The following NRG1 variants were observed in gnomAD, a reference collection of about 807,000 sequenced individuals.
NRG1 encodes neuregulin 1, also known as pro-neuregulin-1, membrane-bound isoform.
In NRG1, 18 loss-of-function variants were observed where a neutral mutation model predicts 63.8. The ratio of observed to expected loss-of-function variants is 0.28; its 90% CI spans 0.19 to 0.42. The LOEUF (loss-of-function observed/expected upper bound fraction) is 0.42, where lower values mean the gene tolerates loss of function less well. NRG1 is among the 10% of genes least tolerant of loss of function. The probability of loss-of-function intolerance (pLI) is 1.00; values close to 1 mark genes in which losing one functional copy is unlikely to be tolerated. For missense variants in NRG1, 762 were observed against 814.7 expected, an observed-to-expected ratio of 0.94 and a Z score of 0.79; for synonymous variants, 302 against 301.3, an observed-to-expected ratio of 1.00 and a Z score of -0.02.
chr8:32,542,501 G>A (rs968935986), intron 1 of NRG1, among the ~76,000 whole-genome samples: 1 of 152,182 alleles, frequency 6.6e-6, no homozygotes, highest in Non-Finnish European at 1.5e-5. Flanking sequence ...CAAAGGTAAG[G>A]AAAAGCTTTT....
chr8:31,778,979 T>C (rs1412997822), intron 1 of NRG1, among the ~76,000 whole-genome samples: 2 of 152,180 alleles, frequency 1.3e-5, no homozygotes, highest in African/African-American at 4.8e-5. Context: ...TTCCACTTAT[T>C]TCCTTAACTT....
Position 32,742,210 on chromosome 8 carries a change from C to T in NRG1, c.633-465C>T. The T allele has an allele frequency of 1.4e-6, 1 of 721,868 alleles. No individual in the cohort carries two copies. The highest frequency in any genetic ancestry group is 2.4e-6 in the Non-Finnish European group (1 of 419,100). 44.7% of individuals were successfully genotyped at this position (721,868 alleles called of 1,614,324 possible). ...GGCTTAACCTCTCAAGGCATAAACC[C>T]ATTCAGTGTTACCTTATTTAACTGT... On this transcript the variant is annotated intron_variant, in intron 6 of 11. Coordinates refer to ENST00000356819, the Ensembl canonical transcript of NRG1. This position sits in a 1 kb window ranked among gnomAD's most constrained non-coding sequence, Gnocchi z 4.2.
At chr8:32,140,582 C>T (rs942873669) in intron 1 of NRG1, among the ~76,000 whole-genome samples, 1 of 152,014 alleles carries the variant, frequency 6.6e-6, no homozygotes, top group African/African-American at 2.4e-5. Context: ...CTTCCTCAGC[C>T]TACTGAGTAG....
chr8:32,703,280 C>T (rs1815430416), intron 5 of NRG1, among the ~76,000 whole-genome samples: 1 of 152,098 alleles, frequency 6.6e-6, no homozygotes, highest in African/African-American at 2.4e-5. Context: ...AAAGGGTTTA[C>T]ATTGACCCCT....
At chr8:32,419,521 T>A (rs1164547151) in intron 1 of NRG1, among the ~76,000 whole-genome samples, 1 of 152,190 alleles carries the variant, frequency 6.6e-6, no homozygotes. Flanking sequence ...ATGTGCCCTA[T>A]AAATACCCAA....
chr8:32,281,548 TTCC>T (rs1852852532), intron 1 of NRG1, among the ~76,000 whole-genome samples: 1 of 152,134 alleles, frequency 6.6e-6, no homozygotes, highest in Non-Finnish European at 1.5e-5. Context: ...GTGTCTATTG[TTCC>T]CTTCTTTGTC....
At chr8:32,664,496 A>C (rs1330282908) in intron 5 of NRG1, among the ~76,000 whole-genome samples, 1 of 152,068 alleles carries the variant, frequency 6.6e-6, no homozygotes, top group East Asian at 1.9e-4. Context: ...AGTCAGTATG[A>C]AGGAATTTGC....
chr8:32,256,256 G>A (rs56899676), intron 1 of NRG1, among the ~76,000 whole-genome samples: 102,414 of 151,962 alleles, frequency 0.67, 34,962 homozygotes, highest in Admixed American at 0.76. Flanking sequence ...TCCTTTGGAG[G>A]AGAAGAGGTG....
At chr8:31,673,059 G>C (rs944156079) in intron 1 of NRG1, among the ~76,000 whole-genome samples, 1 of 151,404 alleles carries the variant, frequency 6.6e-6, no homozygotes, top group African/African-American at 2.4e-5. Context: ...GTTTTGATTA[G>C]ATGATCATCA....
intron 1 of NRG1, among the ~76,000 whole-genome samples, chr8:32,108,668 G>A (rs539834352): frequency 6.6e-6 from 1 of 152,074 alleles, no homozygotes; most frequent in South Asian, 2.1e-4. Context: ...CTTAAAAGTG[G>A]AAGAGGGTGA....
chr8:31,871,643 A>G (rs1265041517), intron 1 of NRG1, among the ~76,000 whole-genome samples: 1 of 152,024 alleles, frequency 6.6e-6, no homozygotes, highest in Admixed American at 6.6e-5. Context: ...TTAAAAACAA[A>G]ACAAACCAAA....
chr8:32,115,915 T>G (rs1282378123), intron 1 of NRG1, among the ~76,000 whole-genome samples: 2 of 152,158 alleles, frequency 1.3e-5, no homozygotes, highest in Non-Finnish European at 2.9e-5. Flanking sequence ...GTTTGCATTC[T>G]AATTTTATCA....
At chr8:32,648,168 A>G in intron 5 of NRG1, 1 of 1,614,094 alleles carries the variant, frequency 6.2e-7, no homozygotes, top group Non-Finnish European at 8.5e-7. Flanking sequence ...TCAATCTGAA[A>G]GTGAGGTTCA....
intron 1 of NRG1, among the ~76,000 whole-genome samples, chr8:31,854,468 C>T (rs989636433): frequency 1.3e-5 from 2 of 151,598 alleles, no homozygotes; most frequent in African/African-American, 4.8e-5. Context: ...TCCCCTTTAT[C>T]ATTTTTTATT....
At chr8:31,871,588 T>G (rs958880100) in intron 1 of NRG1, among the ~76,000 whole-genome samples, 3 of 151,950 alleles carry the variant, frequency 2.0e-5, no homozygotes, top group African/African-American at 7.3e-5. Flanking sequence ...TCAGCATCAG[T>G]TTTTCAAATC....
intron 1 of NRG1, among the ~76,000 whole-genome samples, chr8:31,642,979 AGT>A (rs34942505): frequency 0.24 from 35,951 of 150,904 alleles, 4,611 homozygotes; most frequent in African/African-American, 0.29. Context: ...TGAGTGTAAA[AGT>A]GTGTGTGTGT....
At chr8:32,145,569 A>G (rs146728158) in intron 1 of NRG1, among the ~76,000 whole-genome samples, 1 of 152,342 alleles carries the variant, frequency 6.6e-6, no homozygotes, top group East Asian at 1.9e-4. Flanking sequence ...GCTGAAATCA[A>G]CTAGTGCTCT....
chr8:32,396,334 A>C (rs920606656), intron 1 of NRG1, among the ~76,000 whole-genome samples: 2 of 152,224 alleles, frequency 1.3e-5, no homozygotes, highest in African/African-American at 4.8e-5. Flanking sequence ...CTAACAACTT[A>C]ATATTGAGTC....
chr8:31,982,705 G>A (rs1156292103), intron 1 of NRG1, among the ~76,000 whole-genome samples: 2 of 152,052 alleles, frequency 1.3e-5, no homozygotes, highest in African/African-American at 4.8e-5. Flanking sequence ...CAGATGTGGA[G>A]TCCAGAGAAG....
Sources: gnomAD v4.1 joint callset for allele counts (sites outside exome capture counted in the v4.1 genomes callset) on GRCh38, gnomAD v4.1.1 for gene constraint, Gnocchi (gnomAD v3.1) non-coding constraint, MANE v1.5 for transcripts, NCBI Gene and HGNC (gene_info 2026-07-23, HGNC 2026-07-21) for gene names.